PDE1A: variants seen among roughly 807,000 people sequenced by gnomAD.
The protein encoded by PDE1A is phosphodiesterase 1A.
A neutral mutation model predicts 61.7 loss-of-function variants in PDE1A; 35 were observed. The observed-to-expected ratio is 0.57, with a 90% CI of 0.43 to 0.75. The LOEUF (loss-of-function observed/expected upper bound fraction) is 0.75, where lower values mean the gene tolerates loss of function less well. Among genes scored for constraint, PDE1A ranks in the 30% least tolerant of loss-of-function variants. The pLI, the probability that PDE1A is intolerant of heterozygous loss-of-function variation, is 0.00. For synonymous variants in PDE1A, 232 were observed against 213.2 expected (o/e 1.09, Z -0.77); for missense variants, 597 against 630.6 (o/e 0.95, Z 0.57).
At chr2:182,254,448 C>CT (rs1454269057) in intron 2 of PDE1A, among the ~76,000 whole-genome samples, 1 of 152,180 alleles carries the variant, frequency 6.6e-6, no homozygotes, top group African/African-American at 2.4e-5. Context: ...TCCTCAGGGA[C>CT]TTTTCCAAAT....
At chr2:182,537,802 T>C in the PDE1A span, among the ~76,000 whole-genome samples, 1 of 152,022 alleles carries the variant, frequency 6.6e-6, no homozygotes, top group South Asian at 2.1e-4. Context: ...TGGTAGGAAG[T>C]AATCAGAAGA....
chr2:182,192,520 C>A (rs1297388311), intron 10 of PDE1A, among the ~76,000 whole-genome samples: 3 of 152,094 alleles, frequency 2.0e-5, no homozygotes, highest in African/African-American at 7.2e-5. Context: ...ATTTGGCCAC[C>A]TTTATAATTT....
chr2:182,459,765 G>A (rs1306422822), intron 2 of PDE1A, among the ~76,000 whole-genome samples: 1 of 152,130 alleles, frequency 6.6e-6, no homozygotes, highest in East Asian at 1.9e-4. Flanking sequence ...GGGGTAGAAT[G>A]TGAGCAGCCA....
chr2:182,469,246 T>C (rs745966945), intron 2 of PDE1A, among the ~76,000 whole-genome samples: 8 of 151,990 alleles, frequency 5.3e-5, no homozygotes, highest in Non-Finnish European at 7.4e-5. Flanking sequence ...TGAAAATCTG[T>C]TGTTTAGTGT....
chr2:182,240,048 A>C (rs1458121315), intron 3 of PDE1A, 62 bp downstream of exon 3: 1 of 1,449,918 alleles, frequency 6.9e-7, no homozygotes, highest in South Asian at 1.3e-5. Context: ...ACCCTTGAAA[A>C]AATGAATGTA....
At chr2:182,435,470 G>T (rs888184620) in intron 2 of PDE1A, among the ~76,000 whole-genome samples, 4 of 152,028 alleles carry the variant, frequency 2.6e-5, no homozygotes, top group African/African-American at 9.7e-5. Flanking sequence ...TGCACATGGT[G>T]GGTGAAGCAG....
intron 1 of PDE1A, among the ~76,000 whole-genome samples, chr2:182,299,573 A>G (rs1386135798): frequency 6.6e-6 from 1 of 151,160 alleles, no homozygotes; most frequent in Non-Finnish European, 1.5e-5. Flanking sequence ...CTGCAAAAAC[A>G]GCCTAGAACA....
intron 1 of PDE1A, among the ~76,000 whole-genome samples, chr2:182,382,677 G>A (rs1559399865): frequency 6.6e-6 from 1 of 150,720 alleles, no homozygotes; most frequent in South Asian, 2.1e-4. Context: ...CTGAAATCAA[G>A]AGACACACAG....
At chr2:182,422,794 G>A (rs1703364826) in intron 1 of PDE1A, among the ~76,000 whole-genome samples, 1 of 152,126 alleles carries the variant, frequency 6.6e-6, no homozygotes, top group Admixed American at 6.5e-5. Context: ...CTAAAGGAAT[G>A]TATCTATGTG....
At chr2:182,639,277 GGAAA>G in the PDE1A span, among the ~76,000 whole-genome samples, 3 of 152,156 alleles carry the variant, frequency 2.0e-5, no homozygotes, top group African/African-American at 4.8e-5. Context: ...AGAGAACTCA[GGAAA>G]GAAAGTGAGG....
At chr2:182,472,861 G>C (rs1315334308) in intron 2 of PDE1A, among the ~76,000 whole-genome samples, 2 of 151,666 alleles carry the variant, frequency 1.3e-5, no homozygotes, top group African/African-American at 4.8e-5. Flanking sequence ...AATACATTTA[G>C]AGCCGGAGAA....
At chr2:182,227,762 A>G (rs1255454179) in intron 6 of PDE1A, among the ~76,000 whole-genome samples, 2 of 152,064 alleles carry the variant, frequency 1.3e-5, no homozygotes, top group Non-Finnish European at 2.9e-5. Flanking sequence ...TCCTGAGTCC[A>G]TGCTCTCTTT....
At chr2:182,619,735 C>T in the PDE1A span, among the ~76,000 whole-genome samples, 1 of 152,092 alleles carries the variant, frequency 6.6e-6, no homozygotes, top group African/African-American at 2.4e-5. Context: ...ACTGAGTTTT[C>T]ATGGTGTCAG....
At chr2:182,495,008 A>T (rs762851796) in intron 2 of PDE1A, among the ~76,000 whole-genome samples, 31 of 151,972 alleles carry the variant, frequency 2.0e-4, no homozygotes, top group Non-Finnish European at 3.5e-4. Flanking sequence ...TCCCTTTCTC[A>T]TCCCTAGCTT....
At chr2:182,671,338 A>ATTTTTTTT in the PDE1A span, among the ~76,000 whole-genome samples, 177 of 75,198 alleles carry the variant, frequency 2.4e-3, no homozygotes, top group Non-Finnish European at 3.7e-3. Flanking sequence ...CGACTGGCTA[A>ATTTTTTTT]TTTTTTTTTT....
chr2:182,687,540 C>T, the PDE1A span, among the ~76,000 whole-genome samples: 17 of 152,182 alleles, frequency 1.1e-4, no homozygotes, highest in African/African-American at 3.6e-4. Flanking sequence ...TGTACGTCAC[C>T]AATATCAAAG....
At chr2:182,686,557 A>C in the PDE1A span, among the ~76,000 whole-genome samples, 7 of 152,352 alleles carry the variant, frequency 4.6e-5, no homozygotes, top group East Asian at 1.2e-3. Context: ...AGGCGGTTCC[A>C]AGATGGCCGA....
At chr2:182,221,445 GTCTTGTT>G (rs1350726817) in intron 7 of PDE1A, among the ~76,000 whole-genome samples, 3 of 152,092 alleles carry the variant, frequency 2.0e-5, no homozygotes, top group African/African-American at 7.2e-5. Context: ...GATCTGCATA[GTCTTGTT>G]TTCCTTTGAC....
At chr2:182,206,257 A>G (rs1338643089) in intron 7 of PDE1A, among the ~76,000 whole-genome samples, 192 bp from the exon 8 acceptor site, 1 of 152,150 alleles carries the variant, frequency 6.6e-6, no homozygotes, top group Non-Finnish European at 1.5e-5. Context: ...ACTCTATTAG[A>G]GAAGTTTTAG....
Sources: gnomAD v4.1 joint callset for allele counts (sites outside exome capture counted in the v4.1 genomes callset) on GRCh38, gnomAD v4.1.1 for gene constraint, MANE v1.5 for transcripts, NCBI Gene and HGNC (gene_info 2026-07-23, HGNC 2026-07-21) for gene names.